The following RGS6 variants were observed in gnomAD, a reference collection of about 807,000 sequenced individuals.
RGS6 encodes regulator of G protein signaling 6.
In RGS6, 30 loss-of-function variants were observed where a neutral mutation model predicts 78.5. The ratio of observed to expected loss-of-function variants is 0.38; its 90% CI spans 0.29 to 0.52. The LOEUF is 0.52. RGS6 is among the 20% of genes least tolerant of loss of function. The probability of loss-of-function intolerance (pLI) is 0.85; values close to 1 mark genes in which losing one functional copy is unlikely to be tolerated. For synonymous variants in RGS6, 206 were observed against 206.0 expected (o/e 1.00, Z 0.00); for missense variants, 495 against 609.7 (o/e 0.81, Z 1.98).
intron 3 of RGS6, chr14:72,421,040 C>G (rs1270065491): frequency 6.6e-6 from 1 of 151,892 alleles, no homozygotes; most frequent in Non-Finnish European, 1.5e-5. Flanking sequence ...CAAATCACTT[C>G]TGCTTTCAGC....
At chr14:71,887,975 G>C in the RGS6 span, among the ~76,000 whole-genome samples, 1 of 152,196 alleles carries the variant, frequency 6.6e-6, no homozygotes, top group Admixed American at 6.5e-5. Context: ...TTGCTGGTCT[G>C]AGACTCAAGC....
chr14:72,229,443 C>G (rs894177940), intron 2 of RGS6, among the ~76,000 whole-genome samples: 1 of 152,064 alleles, frequency 6.6e-6, no homozygotes, highest in Non-Finnish European at 1.5e-5. Context: ...TAGGGCTTCC[C>G]ATTGTGGGCT....
At position 72,200,504 on chromosome 14, in the gene RGS6, G is replaced by A. The variant is rs1490928819; in HGVS notation, c.85-151591G>A. On this transcript the variant is annotated intron_variant, in intron 2 of 17. Transcript: ENST00000553525. ...ACTTGAAGCTTTTTGTCCCCACTGTGTATAGGAAGCTTTGCCTTCCCTGAA... is the reference window on the plus strand; with the variant it reads ...ACTTGAAGCTTTTTGTCCCCACTGTATATAGGAAGCTTTGCCTTCCCTGAA... Among the ~76,000 whole-genome samples, 10 of 152,182 alleles carry A rather than the reference G, an allele frequency of 6.6e-5. No homozygotes were observed. The East Asian group carries it at 1.9e-3, about 29-fold the overall frequency.
chr14:72,585,815 T>C, the RGS6 span, among the ~76,000 whole-genome samples: 2,255 of 152,320 alleles, frequency 0.015, 55 homozygotes, highest in African/African-American at 0.052. Context: ...AGGGGCTACC[T>C]TCTATACACT....
At chr14:72,615,737 A>G in the RGS6 span, among the ~76,000 whole-genome samples, 1 of 152,366 alleles carries the variant, frequency 6.6e-6, no homozygotes, top group South Asian at 2.1e-4. Context: ...CTCCTGCTTC[A>G]GGGGCGATGA....
At chr14:72,601,358 G>A in the RGS6 span, among the ~76,000 whole-genome samples, 12 of 151,558 alleles carry the variant, frequency 7.9e-5, no homozygotes, top group African/African-American at 2.7e-4. Flanking sequence ...ACTCAGCACA[G>A]CTCCCAACCC....
At chr14:72,588,499 T>C in the RGS6 span, among the ~76,000 whole-genome samples, 1 of 152,228 alleles carries the variant, frequency 6.6e-6, no homozygotes, top group Admixed American at 6.5e-5. Context: ...TTGAGGATTA[T>C]AATTCTTGTG....
the RGS6 span, among the ~76,000 whole-genome samples, chr14:72,584,824 G>C: frequency 2.0e-5 from 3 of 152,204 alleles, no homozygotes; most frequent in African/African-American, 7.2e-5. Flanking sequence ...AGTCAGGTAG[G>C]AAAGCCAGGT....
At chr14:72,584,783 C>T in the RGS6 span, among the ~76,000 whole-genome samples, 1 of 152,204 alleles carries the variant, frequency 6.6e-6, no homozygotes, top group South Asian at 2.1e-4. Context: ...GAAGGATTCA[C>T]ACCAGGACTA....
At chr14:72,378,812 TA>T (rs1484621142) in intron 3 of RGS6, among the ~76,000 whole-genome samples, 4 of 152,116 alleles carry the variant, frequency 2.6e-5, no homozygotes, top group African/African-American at 7.2e-5. Flanking sequence ...AAATTTGAAG[TA>T]GAGGAAATTT....
chr14:72,290,528 C>T (rs1278262668), intron 2 of RGS6, among the ~76,000 whole-genome samples: 1 of 152,138 alleles, frequency 6.6e-6, no homozygotes, highest in Non-Finnish European at 1.5e-5. Flanking sequence ...GGTGAGTAAA[C>T]CCCTTTATTG....
intron 2 of RGS6, among the ~76,000 whole-genome samples, chr14:72,057,111 C>G (rs556300397): frequency 1.3e-5 from 2 of 151,750 alleles, no homozygotes; most frequent in African/African-American, 4.8e-5. Flanking sequence ...GTCAGGAGTT[C>G]GAGACCAGCC....
chr14:71,870,662 AACT>A, the RGS6 span, among the ~76,000 whole-genome samples: 2 of 152,238 alleles, frequency 1.3e-5, no homozygotes, highest in African/African-American at 4.8e-5. Context: ...TGTGGTGCTC[AACT>A]ACTGTCACTG....
At chr14:72,584,043 G>A in the RGS6 span, among the ~76,000 whole-genome samples, 40 of 152,350 alleles carry the variant, frequency 2.6e-4, no homozygotes, top group African/African-American at 7.0e-4. Context: ...AGCAGGGGGT[G>A]CATCTGGATT....
At chr14:72,081,610 A>T (rs1443245466) in intron 2 of RGS6, among the ~76,000 whole-genome samples, 1 of 151,996 alleles carries the variant, frequency 6.6e-6, no homozygotes, top group Non-Finnish European at 1.5e-5. Flanking sequence ...TTCCCTTTTT[A>T]ACTTACTTCT....
chr14:71,920,362 GA>G, the RGS6 span, among the ~76,000 whole-genome samples: 1 of 152,328 alleles, frequency 6.6e-6, no homozygotes, highest in East Asian at 1.9e-4. Flanking sequence ...ACATATAAAG[GA>G]GGAGAGTTGT....
At chr14:72,127,213 A>G (rs1488860905) in intron 2 of RGS6, among the ~76,000 whole-genome samples, 1 of 152,226 alleles carries the variant, frequency 6.6e-6, no homozygotes, top group Non-Finnish European at 1.5e-5. Flanking sequence ...TAGGAAAAAA[A>G]TATTTAGATA....
intron 2 of RGS6, among the ~76,000 whole-genome samples, chr14:72,292,491 C>G (rs2063783241): frequency 6.6e-6 from 1 of 152,226 alleles, no homozygotes; most frequent in African/African-American, 2.4e-5. Flanking sequence ...TATCTGCAGA[C>G]TAGAGGGAAA....
At chr14:72,106,400 C>A (rs2095633571) in intron 2 of RGS6, among the ~76,000 whole-genome samples, 1 of 152,134 alleles carries the variant, frequency 6.6e-6, no homozygotes, top group Admixed American at 6.5e-5. Context: ...TTTATTTTAA[C>A]AGGCTCTTCC....
Sources: allele counts gnomAD v4.1 joint callset (sites outside exome capture counted in the v4.1 genomes callset), GRCh38; gene constraint gnomAD v4.1.1; transcripts MANE v1.5; gene names NCBI Gene and HGNC (gene_info 2026-07-23, HGNC 2026-07-21).